Variants in ENTREP2 observed in about 807,000 individuals in gnomAD.
ENTREP2 encodes the protein endosomal transmembrane epsin interactor 2.
chr15:29,149,910 G>C, the ENTREP2 span, among the ~76,000 whole-genome samples: 1 of 152,210 alleles, frequency 6.6e-6, no homozygotes, highest in Non-Finnish European at 1.5e-5. Flanking sequence ...CAGGGTGTGA[G>C]GCAAACTCAC....
chr15:29,396,341 C>T, the ENTREP2 span, among the ~76,000 whole-genome samples: 318 of 151,056 alleles, frequency 2.1e-3, no homozygotes, highest in Middle Eastern at 6.9e-3. Flanking sequence ...TTAGAGTCTA[C>T]GGACAAGTGA....
chr15:29,491,894 C>T, the ENTREP2 span, among the ~76,000 whole-genome samples: 9 of 152,124 alleles, frequency 5.9e-5, no homozygotes, highest in East Asian at 1.9e-4. Context: ...ATATCAATCT[C>T]GTTACTCAAC....
chr15:29,405,949 G>A, the ENTREP2 span, among the ~76,000 whole-genome samples: 2 of 152,236 alleles, frequency 1.3e-5, no homozygotes, highest in Non-Finnish European at 2.9e-5. Flanking sequence ...GAACAAGTTA[G>A]GAAAGGCAGA....
At chr15:29,136,334 G>A in the ENTREP2 span, 2 of 1,470,138 alleles carry the variant, frequency 1.4e-6, no homozygotes, top group African/African-American at 1.4e-5. Flanking sequence ...ATTCCCACGG[G>A]AACTGGCTTT....
chr15:29,136,407 G>T, the ENTREP2 span: 98 of 1,533,812 alleles, frequency 6.4e-5, no homozygotes, highest in South Asian at 1.1e-4. Flanking sequence ...TCGTACGGAG[G>T]GGGGAGCTCA....
At chr15:29,632,677 C>A in the ENTREP2 span, among the ~76,000 whole-genome samples, 2 of 152,158 alleles carry the variant, frequency 1.3e-5, no homozygotes, top group African/African-American at 4.8e-5. Flanking sequence ...CCCAGCTACT[C>A]ACAAGGCTGA....
chr15:29,398,680 C>T, the ENTREP2 span, among the ~76,000 whole-genome samples: 5 of 152,140 alleles, frequency 3.3e-5, no homozygotes, highest in East Asian at 1.9e-4. Flanking sequence ...GCCAAGATCA[C>T]GCCACTGCAC....
chr15:29,130,975 G>A, the ENTREP2 span, among the ~76,000 whole-genome samples: 708 of 152,296 alleles, frequency 4.6e-3, 5 homozygotes, highest in African/African-American at 0.016. Context: ...GACAGGAGAC[G>A]CTGTGGGAAT....
chr15:29,318,628 G>C, the ENTREP2 span, among the ~76,000 whole-genome samples: 1 of 152,066 alleles, frequency 6.6e-6, no homozygotes, highest in Non-Finnish European at 1.5e-5. Context: ...CCAAATTAAG[G>C]TATGTACACT....
the ENTREP2 span, among the ~76,000 whole-genome samples, chr15:29,397,555 G>A: frequency 9.2e-5 from 14 of 152,146 alleles, no homozygotes; most frequent in Non-Finnish European, 1.6e-4. Context: ...TCATTAAGAG[G>A]TGCGATGCTG....
At chr15:29,519,119 T>C in the ENTREP2 span, among the ~76,000 whole-genome samples, 1 of 151,918 alleles carries the variant, frequency 6.6e-6, no homozygotes, top group South Asian at 2.1e-4. Flanking sequence ...TTCTTGGTAT[T>C]CTAAAATAAT....
chr15:29,368,666 G>A, the ENTREP2 span, among the ~76,000 whole-genome samples: 11 of 151,410 alleles, frequency 7.3e-5, no homozygotes, highest in African/African-American at 2.7e-4. Context: ...GAGGCCAGGA[G>A]TTTGAGACCA....
the ENTREP2 span, among the ~76,000 whole-genome samples, chr15:29,175,494 T>C: frequency 2.0e-5 from 3 of 152,220 alleles, no homozygotes; most frequent in African/African-American, 7.2e-5. Context: ...CTAAAGATTA[T>C]GAGACGCCCA....
chr15:29,411,571 A>C, the ENTREP2 span, among the ~76,000 whole-genome samples: 5 of 152,228 alleles, frequency 3.3e-5, no homozygotes, highest in Non-Finnish European at 5.9e-5. Flanking sequence ...AGTTCACTAC[A>C]TGAAATCATA....
the ENTREP2 span, among the ~76,000 whole-genome samples, chr15:29,637,205 G>A: frequency 1.3e-5 from 2 of 152,172 alleles, no homozygotes; most frequent in Non-Finnish European, 2.9e-5. Context: ...GAGAAAGCCA[G>A]CCCCTGATTA....
At chr15:29,432,889 C>T in the ENTREP2 span, among the ~76,000 whole-genome samples, 1 of 152,334 alleles carries the variant, frequency 6.6e-6, no homozygotes, top group East Asian at 1.9e-4. Context: ...TGCCTCCAGC[C>T]TCACTCCTGG....
the ENTREP2 span, among the ~76,000 whole-genome samples, chr15:29,348,711 T>C: frequency 3.5e-3 from 539 of 152,166 alleles, 2 homozygotes; most frequent in Non-Finnish European, 6.0e-3. Flanking sequence ...CCAGCCCCAG[T>C]AGGAAAATGG....
the ENTREP2 span, among the ~76,000 whole-genome samples, chr15:29,422,256 G>A: frequency 2.6e-5 from 4 of 151,516 alleles, no homozygotes; most frequent in Non-Finnish European, 4.4e-5. Flanking sequence ...AGCAACAAGA[G>A]TGAAACTCCG....
chr15:29,234,341 T>C, the ENTREP2 span: 3 of 1,596,740 alleles, frequency 1.9e-6, no homozygotes, highest in East Asian at 2.2e-5. Flanking sequence ...GAGAATCTCT[T>C]GACCATCTTC....
Sources: gnomAD v4.1 joint callset for allele counts (sites outside exome capture counted in the v4.1 genomes callset) on GRCh38, gnomAD v4.1.1 for gene constraint, MANE v1.5 for transcripts, NCBI Gene and HGNC (gene_info 2026-07-23, HGNC 2026-07-21) for gene names.